AAGAB: variants seen among roughly 807,000 people sequenced by gnomAD.
The protein encoded by AAGAB is alpha and gamma adaptin binding protein.
A neutral mutation model predicts 44.1 loss-of-function variants in AAGAB; 38 were observed. That is an observed-to-expected ratio of 0.86 (90% confidence interval 0.67 to 1.13). The LOEUF (loss-of-function observed/expected upper bound fraction) is 1.13, where lower values mean the gene tolerates loss of function less well. Ranked by LOEUF, AAGAB falls within the 50% of genes most tolerant of loss-of-function variation. The pLI is 0.00. For synonymous variants in AAGAB, 131 were observed against 131.8 expected, an observed-to-expected ratio of 0.99 and a Z score of 0.04; for missense variants, 450 against 373.8, an observed-to-expected ratio of 1.20 and a Z score of -1.68.
chr15:67,249,942 T>C (rs1964823388), intron 1 of AAGAB, among the ~76,000 whole-genome samples: 1 of 152,206 alleles, frequency 6.6e-6, no homozygotes, highest in Admixed American at 6.5e-5. Context: ...ATGCTTGCTA[T>C]GATTATAAGA....
At chr15:67,204,664 A>T (rs927755384) in intron 7 of AAGAB, among the ~76,000 whole-genome samples, 31 of 152,358 alleles carry the variant, frequency 2.0e-4, no homozygotes, top group African/African-American at 7.2e-4. Flanking sequence ...AAATGAACTC[A>T]TCTAAAATTA....
chr15:67,216,581 T>G (rs2140354999), intron 5 of AAGAB, among the ~76,000 whole-genome samples: 1 of 150,574 alleles, frequency 6.6e-6, no homozygotes, highest in Admixed American at 6.6e-5. Context: ...CTTAATAAAC[T>G]GAACTAAACA....
intron 5 of AAGAB, among the ~76,000 whole-genome samples, chr15:67,223,837 C>G (rs1964139368): frequency 6.6e-6 from 1 of 152,190 alleles, no homozygotes; most frequent in Non-Finnish European, 1.5e-5. Flanking sequence ...AGCCAGCAAG[C>G]GTCCTGATAT....
intron 4 of AAGAB, chr15:67,232,784 G>A (rs541361335): frequency 1.8e-5 from 4 of 217,738 alleles, no homozygotes; most frequent in Non-Finnish European, 3.9e-5. Context: ...ACGGCATGAA[G>A]AAGGTAGGCA....
intron 5 of AAGAB, among the ~76,000 whole-genome samples, chr15:67,220,062 T>A (rs1427017529): frequency 6.6e-6 from 1 of 152,292 alleles, no homozygotes; most frequent in East Asian, 1.9e-4. Flanking sequence ...AAAATAAATA[T>A]AAATTATCTT....
intron 5 of AAGAB, chr15:67,226,886 T>TA (rs1266394192): frequency 2.8e-5 from 8 of 289,836 alleles, no homozygotes; most frequent in Non-Finnish European, 5.7e-5. Context: ...ATTCATCTCT[T>TA]ACGTTTTTAA....
intron 1 of AAGAB, among the ~76,000 whole-genome samples, chr15:67,246,794 G>C (rs1410862579): frequency 2.0e-5 from 3 of 151,988 alleles, no homozygotes; most frequent in Non-Finnish European, 4.4e-5. Flanking sequence ...GCACCAATCA[G>C]CACTCTGTGT....
intron 1 of AAGAB, among the ~76,000 whole-genome samples, chr15:67,249,838 C>T (rs528331995): frequency 6.6e-6 from 1 of 152,336 alleles, no homozygotes; most frequent in Non-Finnish European, 1.5e-5. Flanking sequence ...ACAGTTTCTT[C>T]ATCTGCAAAA....
At chr15:67,228,399 G>T (rs557508438) in intron 5 of AAGAB, among the ~76,000 whole-genome samples, 3 of 152,294 alleles carry the variant, frequency 2.0e-5, no homozygotes, top group Non-Finnish European at 4.4e-5. Flanking sequence ...ATTTGAATTT[G>T]TTCTGGTAAC....
At chr15:67,254,877 A>G, upstream of AAGAB, 2 of 1,612,380 alleles carry the variant, frequency 1.2e-6, no homozygotes, top group Non-Finnish European at 1.7e-6. Context: ...CCGCGGAGGT[A>G]GCCGTTCCCT....
At chr15:67,209,213 A>G (rs1403313032) in intron 6 of AAGAB, among the ~76,000 whole-genome samples, 1 of 152,238 alleles carries the variant, frequency 6.6e-6, no homozygotes, top group African/African-American at 2.4e-5. Context: ...CTGAAGGCAA[A>G]TTAATGCCTC....
rs1963595745 is a variant in AAGAB at position 67,202,775 on chromosome 15, C to G, written c.*46G>C. 1 of 1,592,458 alleles carries G rather than the reference C, an allele frequency of 6.3e-7. No individual in the cohort carries two copies. The highest frequency in any genetic ancestry group is 1.1e-5 in the South Asian group (1 of 90,622). On this transcript the variant is annotated 3_prime_UTR_variant, in exon 10 of 10. Transcript: ENST00000261880. ...GACTGGGCTGAGTAGAGAGGTATCT[C>G]AGAGACAGCTAGCATCTTTGTTGGT...
rs1460576539 is a variant in AAGAB at position 67,236,742 on chromosome 15, T to C, written c.152A>G (p.Asn51Ser). ...AVRFYPWTIDNKYYSADINLC... is the reference protein window; with the variant it reads ...AVRFYPWTIDSKYYSADINLC... ...ATTGATGTCTGCTGAATAGTATTTA[T>C]TATCAATGGTCCAGGGATAAAATCT... is the stretch of plus-strand genomic sequence containing the variant. The change falls in exon 2 of 10, where the codon AAT becomes AGT. Residue 51 changes from asparagine to serine, a missense_variant. Physicochemically the swap from Asn to Ser is conservative, Grantham distance 46 (BLOSUM62 1). Coordinates refer to ENST00000261880, the MANE Select transcript of AAGAB (RefSeq NM_024666.5). 6.2e-7 allele frequency: 1 copy of C among 1,613,400 alleles called. No individual in the cohort carries two copies. The highest frequency in any genetic ancestry group is 8.5e-7 in the Non-Finnish European group (1 of 1,179,540).
chr15:67,238,698 ATTT>A (rs35660168), intron 1 of AAGAB, among the ~76,000 whole-genome samples: 2 of 145,502 alleles, frequency 1.4e-5, no homozygotes, highest in Admixed American at 6.9e-5. Flanking sequence ...ATCAGTCTTA[ATTT>A]TTTTTTTTTT....
At chr15:67,224,266 C>T (rs1163586875) in intron 5 of AAGAB, among the ~76,000 whole-genome samples, 2 of 152,108 alleles carry the variant, frequency 1.3e-5, no homozygotes, top group African/African-American at 4.8e-5. Context: ...CACTTGAAAC[C>T]GGAGCCTAAA....
chr15:67,204,224 G>A (rs1963635443), intron 7 of AAGAB, 76 bp from the exon 8 acceptor site: 1 of 1,025,526 alleles, frequency 9.8e-7, no homozygotes, highest in Non-Finnish European at 1.5e-6. Context: ...TAAGGCAAAT[G>A]CTAACCTTGA....
chr15:67,229,725 C>T (rs1396616050), intron 5 of AAGAB, among the ~76,000 whole-genome samples: 1 of 152,098 alleles, frequency 6.6e-6, no homozygotes, highest in Non-Finnish European at 1.5e-5. Context: ...TCTCACTTAA[C>T]ACTCAAGGGT....
At chr15:67,248,312 ACT>A (rs1334483535) in intron 1 of AAGAB, among the ~76,000 whole-genome samples, 1 of 152,222 alleles carries the variant, frequency 6.6e-6, no homozygotes, top group East Asian at 1.9e-4. Flanking sequence ...CTACTGAATC[ACT>A]CTGTGATGAC....
chr15:67,222,282 A>ACACACACACACACACACACCC (rs796412643), intron 5 of AAGAB, among the ~76,000 whole-genome samples: 81 of 139,916 alleles, frequency 5.8e-4, no homozygotes, highest in Non-Finnish European at 1.0e-3. Context: ...ACACACACAC[A>ACACACACACACACACACACCC]CCCTCCACCC....
Sources: allele counts gnomAD v4.1 joint callset (sites outside exome capture counted in the v4.1 genomes callset), GRCh38; gene constraint gnomAD v4.1.1; transcripts MANE v1.5; gene names NCBI Gene and HGNC (gene_info 2026-07-23, HGNC 2026-07-21).